Variants in RADX observed in about 807,000 individuals in gnomAD.
RADX encodes the protein RPA1 related single stranded DNA binding protein, X-linked, also known as RPA-related protein RADX.
In RADX, 36 loss-of-function variants were observed where a neutral mutation model predicts 61.6. The ratio of observed to expected loss-of-function variants is 0.58; its 90% CI spans 0.45 to 0.77. The LOEUF (loss-of-function observed/expected upper bound fraction) is 0.77. Among genes scored for constraint, RADX ranks in the 30% least tolerant of loss-of-function variants. The probability of loss-of-function intolerance (pLI) is 0.00; values close to 1 mark genes in which losing one functional copy is unlikely to be tolerated. For missense variants in RADX, 497 were observed against 651.1 expected (o/e 0.76, Z 2.58); for synonymous variants, 272 against 237.9 (o/e 1.14, Z -1.32).
intron 13 of RADX, among the ~76,000 whole-genome samples, chrX:106,670,664 T>C (rs1255542548): frequency 9.1e-6 from 1 of 109,431 alleles, no homozygotes; most frequent in Admixed American, 9.9e-5. Context: ...ATAATAATAA[T>C]AGTGTTCATT....
chrX:106,636,734 A>G (rs1306227639), intron 7 of RADX, 87 bp downstream of exon 7: 2 of 431,456 alleles, frequency 4.6e-6, no homozygotes, highest in South Asian at 6.7e-5. Context: ...ATATAATAAC[A>G]TTCAACTACA....
intron 10 of RADX, among the ~76,000 whole-genome samples, chrX:106,647,468 T>G (rs1421131967): frequency 9.0e-6 from 1 of 111,094 alleles, no homozygotes; most frequent in Non-Finnish European, 1.9e-5. Context: ...TGCAGCTATC[T>G]CTTTGATATA....
At chrX:106,643,148 C>T (rs1927564523) in intron 10 of RADX, among the ~76,000 whole-genome samples, 1 of 111,388 alleles carries the variant, frequency 9.0e-6, no homozygotes, top group Non-Finnish European at 1.9e-5. Flanking sequence ...AACGTCTATT[C>T]AAATCTTTTG....
chrX:106,621,468 G>A (rs923073565), intron 1 of RADX, among the ~76,000 whole-genome samples: 2 of 112,001 alleles, frequency 1.8e-5, no homozygotes, highest in Non-Finnish European at 3.8e-5. Flanking sequence ...GAAACTGTGG[G>A]CTGTGAGAGA....
chrX:106,630,350 A>C (rs749198584), intron 3 of RADX, among the ~76,000 whole-genome samples: 4,521 of 108,960 alleles, frequency 0.041, 178 homozygotes, highest in African/African-American at 0.12. Flanking sequence ...ACAAACAAAA[A>C]AAAAAAAAAA....
At chrX:106,672,579 T>C (rs1485370315) in intron 13 of RADX, among the ~76,000 whole-genome samples, 1 of 111,543 alleles carries the variant, frequency 9.0e-6, no homozygotes, top group East Asian at 2.8e-4. Context: ...GGGTCAGACC[T>C]GAAGCCAGCA....
intron 7 of RADX, 71 bp from the exon 8 acceptor site, chrX:106,637,689 A>C (rs1381004513): frequency 2.1e-6 from 2 of 942,073 alleles, no homozygotes; most frequent in Non-Finnish European, 2.9e-6. Flanking sequence ...TTTACACAAA[A>C]ATTTGCATAC....
intron 3 of RADX, among the ~76,000 whole-genome samples, chrX:106,629,633 A>T (rs985658875): frequency 3.6e-5 from 4 of 111,755 alleles, no homozygotes; most frequent in Non-Finnish European, 5.6e-5. Flanking sequence ...ATCATTCTAA[A>T]CCTATTCCAG....
intron 3 of RADX, among the ~76,000 whole-genome samples, chrX:106,625,577 T>C (rs1180741001): frequency 3.6e-5 from 4 of 111,832 alleles, no homozygotes; most frequent in Non-Finnish European, 7.5e-5. Context: ...TAATATTAAG[T>C]TAATAACGAA....
intron 6 of RADX, among the ~76,000 whole-genome samples, chrX:106,633,934 G>A (rs1051720589): frequency 9.0e-6 from 1 of 111,568 alleles, no homozygotes; most frequent in Non-Finnish European, 1.9e-5. Flanking sequence ...ATACTTTTCA[G>A]CAGTTTCAAT....
At chrX:106,644,640 A>T (rs773585072) in intron 10 of RADX, among the ~76,000 whole-genome samples, 1 of 111,113 alleles carries the variant, frequency 9.0e-6, no homozygotes, top group Non-Finnish European at 1.9e-5. Flanking sequence ...ATGAGAGATC[A>T]TTCTAATATA....
At chrX:106,614,629 C>A (rs748726535) in intron 1 of RADX, among the ~76,000 whole-genome samples, 2 of 111,833 alleles carry the variant, frequency 1.8e-5, no homozygotes, top group African/African-American at 6.5e-5. Context: ...CATTTACCAA[C>A]ATACATATGA....
intron 9 of RADX, 127 bp downstream of exon 9, chrX:106,639,814 C>A: frequency 1.9e-6 from 1 of 532,118 alleles, no homozygotes; most frequent in Non-Finnish European, 2.7e-6. Context: ...TAAGAGAAAA[C>A]ATTAGGTTGG....
intron 12 of RADX, among the ~76,000 whole-genome samples, chrX:106,667,783 TAGTTTCTC>T (rs1194058358): frequency 8.9e-6 from 1 of 112,235 alleles, no homozygotes; most frequent in Non-Finnish European, 1.9e-5. Context: ...CAAATTCTGA[TAGTTTCTC>T]AGTTTTAAGG....
At position 106,678,246 on chromosome X, in the gene RADX, G is replaced by A. The variant is rs759931639; in HGVS notation, c.2556G>A (p.Glu852=). The A allele has an allele frequency of 1.7e-6, 2 of 1,153,338 alleles. No homozygotes were observed. The highest frequency in any genetic ancestry group is 4.4e-5 in the Admixed American group (2 of 45,340). ...EVYLHKIYSP[E]NTS ...ATTTGCACAAGATTTATAGTCCAGA[G>A]AATACTTCTTAAAAGTTAGCAAATG... Residue 852 remains glutamate, a synonymous_variant, in exon 14 of 14, where the codon GAG becomes GAA. Coordinates refer to ENST00000372548, the MANE Select transcript of RADX (RefSeq NM_018015.6).
At chrX:106,620,081 T>C (rs1926905983) in intron 1 of RADX, among the ~76,000 whole-genome samples, 1 of 111,609 alleles carries the variant, frequency 9.0e-6, no homozygotes, top group African/African-American at 3.3e-5. Flanking sequence ...TTTTCACTCT[T>C]ATGCTCTCGC....
In RADX at chrX:106,632,698, G is replaced by T; in HGVS notation, c.1053G>T (p.Trp351Cys). ...IIPEKQVKPE[W>C]RLPKLNHRFT... The stretch of plus-strand genomic sequence containing the variant: ...CAGAAAAGCAGGTGAAACCAGAATG[G>T]AGACTGCCAAAGCTAAATCACCGAT... Residue 351 changes from tryptophan (W) to cysteine (C), a missense_variant, in exon 4 of 14, where the codon TGG (tryptophan) becomes TGT (cysteine). Physicochemically the swap from Trp to Cys is radical, Grantham distance 215 (BLOSUM62 -2). Coordinates refer to ENST00000372548, the MANE Select transcript of RADX (RefSeq NM_018015.6). 1 of 1,191,179 alleles carries T rather than the reference G, an allele frequency of 8.4e-7. No individual in the cohort carries two copies. The highest frequency in any genetic ancestry group is 1.1e-6 in the Non-Finnish European group (1 of 879,304).
rs747373668 is a variant in RADX, at chrX:106,662,140, T to A, written c.2104T>A (p.Tyr702Asn). 1 of 1,208,892 alleles carries A rather than the reference T, an allele frequency of 8.3e-7. No homozygotes were observed. Among genetic ancestry groups the A allele is most frequent in the Non-Finnish European group, 1.1e-6 (1 of 894,807 alleles). ...LIDHLHYSRV[Y>N]PESIPRKFMF... Reference sequence around the variant, plus strand: ...AGATCACCTACACTACAGCCGTGTTTATCCTGAAAGTATTCCACGGAAATT... The same window carrying A: ...AGATCACCTACACTACAGCCGTGTTAATCCTGAAAGTATTCCACGGAAATT... The change falls in exon 12 of 14, where the codon TAT becomes AAT. Residue 702 changes from tyrosine to asparagine, a missense_variant. Around this residue, in one of 3 missense-constraint regions of RADX, gnomAD observed 267 missense variants for 306.9 expected, o/e 0.87. Transcript: ENST00000372548.
intron 3 of RADX, among the ~76,000 whole-genome samples, chrX:106,631,039 AC>A (rs1364683264): frequency 2.7e-5 from 3 of 112,368 alleles, no homozygotes; most frequent in Non-Finnish European, 3.8e-5. Flanking sequence ...GACATTGTCA[AC>A]AATAACTATA....
Sources: gnomAD v4.1 joint callset for allele counts (sites outside exome capture counted in the v4.1 genomes callset) on GRCh38, gnomAD v4.1.1 for gene constraint, gnomAD v4.1.1 regional missense constraint, MANE v1.5 for transcripts, NCBI Gene and HGNC (gene_info 2026-07-23, HGNC 2026-07-21) for gene names.